The following WDR19 variants were observed in gnomAD, a reference collection of about 807,000 sequenced individuals.
WDR19 encodes the protein WD repeat domain 19.
In WDR19, 121 loss-of-function variants were observed where a neutral mutation model predicts 180.0. That is an observed-to-expected ratio of 0.67 (90% CI 0.58 to 0.78). WDR19 has a LOEUF of 0.78. WDR19 is among the 30% of genes least tolerant of loss of function. WDR19 has a pLI of 0.00. For missense variants in WDR19, 1,450 were observed against 1,640.7 expected (o/e 0.88, Z 2.01); for synonymous variants, 497 against 540.7 (o/e 0.92, Z 1.12).
rs1404444457 is a variant in WDR19, at chr4:39,255,926, GA to G, written c.3084del (p.Lys1028AsnfsTer17). 6.2e-7 allele frequency: 1 copy of G among 1,607,454 alleles called. No homozygotes were observed. ...GGAGAAAAGAGATATCTTCAGGCTG[GA>G]AAATTCTTCTTGCTGTGTGGCCAAT... Reference protein sequence around the residue: ...FEGEKRYLQAGKFFLLCGQYS... With the variant: ...FEGEKRYLQAXKFFLLCGQYS... On this transcript the variant is annotated frameshift_variant, in exon 27 of 37. Coordinates refer to ENST00000399820, the MANE Select transcript of WDR19 (RefSeq NM_025132.4). LOFTEE classifies it high-confidence loss of function.
At chr4:39,216,773 G>A (rs765492969) in intron 12 of WDR19, among the ~76,000 whole-genome samples, 20 of 151,898 alleles carry the variant, frequency 1.3e-4, no homozygotes, top group Non-Finnish European at 2.4e-4. Context: ...CCCAATTCTA[G>A]GTCAGATAAC....
chr4:39,270,624 C>T (rs868533938), intron 31 of WDR19, among the ~76,000 whole-genome samples: 2 of 152,014 alleles, frequency 1.3e-5, no homozygotes, highest in South Asian at 2.1e-4. Flanking sequence ...GTGATCCGCC[C>T]GCCTTGGCCT....
rs1733422789 is a variant in WDR19, at chr4:39,253,251, TAGAG to T, written c.2839_2842del (p.Glu947ProfsTer10). 5 of 1,613,396 alleles carry T rather than the reference TAGAG, an allele frequency of 3.1e-6. No homozygotes were observed. The South Asian group carries it at 4.4e-5, about 14-fold the overall frequency. On this transcript the variant is annotated frameshift_variant, in exon 25 of 37. Transcript: ENST00000399820. LOFTEE classifies it high-confidence loss of function. Reference sequence around the variant, plus strand: ...ATCCTGAAAAAGCTGTCAATATTGTTAGAGAGACCCAGTCTCTGGATGGAGCCAA... The same window carrying T: ...ATCCTGAAAAAGCTGTCAATATTGTTAGACCCAGTCTCTGGATGGAGCCAA...
intron 33 of WDR19, among the ~76,000 whole-genome samples, chr4:39,275,902 C>G (rs2109518361): frequency 6.6e-6 from 1 of 152,262 alleles, no homozygotes; most frequent in East Asian, 1.9e-4. Flanking sequence ...CTGTGCAGCC[C>G]CAAAAGCCCT....
intron 17 of WDR19, among the ~76,000 whole-genome samples, chr4:39,231,109 A>C (rs539225473): frequency 9.7e-4 from 147 of 152,248 alleles, no homozygotes; most frequent in African/African-American, 3.4e-3. Flanking sequence ...CAGCAGATCA[A>C]GACCATCCTG....
In WDR19 at chr4:39,284,279, G is replaced by C. The variant is rs549353199; in HGVS notation, c.*14-1208G>C. The stretch of plus-strand genomic sequence containing the variant: ...TTTTTCTGTTCATATTGGATAATTA[G>C]TTTTGATCTATATTCTAGTTCACTG... On this transcript the variant is annotated intron_variant, in intron 36 of 36. Transcript: ENST00000399820. Among the ~76,000 whole-genome samples, 16 of 145,606 alleles carry C rather than the reference G, an allele frequency of 1.1e-4. No individual in the cohort carries two copies. The East Asian group carries it at 1.4e-3, about 13-fold the overall frequency.
chr4:39,223,633 C>T (rs773097491), intron 14 of WDR19, among the ~76,000 whole-genome samples: 36 of 152,322 alleles, frequency 2.4e-4, no homozygotes, highest in Non-Finnish European at 3.7e-4. Flanking sequence ...TGAGCCACCA[C>T]GCCTGGCCAA....
Position 39,274,688 on chromosome 4 carries a change from G to A in WDR19, c.3566-120G>A. On this transcript the variant is annotated intron_variant, in intron 32 of 36. Coordinates refer to ENST00000399820, the MANE Select transcript of WDR19 (RefSeq NM_025132.4). ...AACAGATCATATCTGGTTCTTTGCAGAAAAAGCAAAGTTCAGAGACCATGA... is the reference window on the plus strand; with the variant it reads ...AACAGATCATATCTGGTTCTTTGCAAAAAAAGCAAAGTTCAGAGACCATGA... 8 of 1,257,498 alleles carry A rather than the reference G, an allele frequency of 6.4e-6. No individual in the cohort carries two copies. The South Asian group carries it at 1.0e-4, about 16-fold the overall frequency. 77.9% of individuals were successfully genotyped at this position (1,257,498 alleles called of 1,614,324 possible).
intron 23 of WDR19, among the ~76,000 whole-genome samples, chr4:39,245,162 G>C (rs1368202997): frequency 6.6e-6 from 1 of 151,612 alleles, no homozygotes; most frequent in African/African-American, 2.4e-5. Flanking sequence ...GGCCAGGCTG[G>C]TCTTGAACTC....
intron 20 of WDR19, 125 bp from the exon 21 acceptor site, chr4:39,240,152 G>A: frequency 2.6e-6 from 1 of 385,762 alleles, no homozygotes; most frequent in South Asian, 7.0e-5. Context: ...ACTCCGGCCT[G>A]GGCAACAGAG....
intron 29 of WDR19, 91 bp from the exon 30 acceptor site, chr4:39,267,904 C>A: frequency 8.9e-7 from 1 of 1,121,866 alleles, no homozygotes; most frequent in Non-Finnish European, 1.3e-6. Context: ...CAGTTACTGG[C>A]AGATGAATGT....
rs757473979 is a variant in WDR19, at chr4:39,268,104, T to G, written c.3358+13T>G. 2.6e-6 allele frequency: 4 copies of G among 1,559,850 alleles called. No homozygotes were observed. The East Asian group carries it at 7.1e-5, about 28-fold the overall frequency. On this transcript the variant is annotated intron_variant, in intron 30 of 36. Transcript: ENST00000399820. ...GAGCAGTCTGCAGGTAGGTCCGTGA[T>G]ACGTATGTGTTACTTCCCAAGCAGG...
intron 14 of WDR19, among the ~76,000 whole-genome samples, chr4:39,224,287 T>C (rs2109347969): frequency 6.6e-6 from 1 of 152,322 alleles, no homozygotes; most frequent in South Asian, 2.1e-4. Context: ...GTAGGAAATC[T>C]AAAAATCAAT....
Position 39,245,358 on chromosome 4 carries a change from T to G in WDR19, c.2646-11T>G. 6.2e-7 allele frequency: 1 copy of G among 1,611,778 alleles called. No individual in the cohort carries two copies. The highest frequency in any genetic ancestry group is 8.5e-7 in the Non-Finnish European group (1 of 1,178,746). The stretch of plus-strand genomic sequence containing the variant: ...AGTACTCATACTGTTCTCCTGGACC[T>G]ACCTTTCCAGGGCAAAAGTTGGTGA... On this transcript the variant is annotated splice_polypyrimidine_tract_variant and intron_variant, in intron 23 of 36. Transcript: ENST00000399820.
At chr4:39,267,835 A>G (rs1210120551) in intron 29 of WDR19, among the ~76,000 whole-genome samples, 160 bp from the exon 30 acceptor site, 1 of 152,210 alleles carries the variant, frequency 6.6e-6, no homozygotes, top group Non-Finnish European at 1.5e-5. Context: ...GCTCTGAATA[A>G]ATGTTTAATA....
chr4:39,195,387 C>CAAAAAAAAAAAAAAAAAAAAA (rs11372483), intron 5 of WDR19, among the ~76,000 whole-genome samples: 2 of 141,866 alleles, frequency 1.4e-5, no homozygotes, highest in African/African-American at 2.7e-5. Context: ...AACAAAAAAA[C>CAAAAAAAAAAAAAAAAAAAAA]AAACAAACAA....
At chr4:39,209,188 C>G (rs1329606663) in intron 9 of WDR19, among the ~76,000 whole-genome samples, 1 of 152,100 alleles carries the variant, frequency 6.6e-6, no homozygotes, top group African/African-American at 2.4e-5. Flanking sequence ...AACTAGAAGT[C>G]AGTAACAGCA....
chr4:39,238,225 C>G (rs921616862), intron 20 of WDR19, among the ~76,000 whole-genome samples: 1 of 152,152 alleles, frequency 6.6e-6, no homozygotes, highest in Non-Finnish European at 1.5e-5. Flanking sequence ...ACACCTAAGA[C>G]CCTAGGCCTG....
chr4:39,240,629 T>G (rs1731832764), intron 21 of WDR19, among the ~76,000 whole-genome samples: 1 of 152,166 alleles, frequency 6.6e-6, no homozygotes, highest in South Asian at 2.1e-4. Context: ...GCTATGATTT[T>G]CATAAGGTTT....
Sources: allele counts gnomAD v4.1 joint callset (sites outside exome capture counted in the v4.1 genomes callset), GRCh38; gene constraint gnomAD v4.1.1; transcripts MANE v1.5; gene names NCBI Gene and HGNC (gene_info 2026-07-23, HGNC 2026-07-21).